ERBIN: variants seen among roughly 807,000 people sequenced by gnomAD.
ERBIN encodes densin-180-like protein.
Under a neutral mutation model 158.4 loss-of-function variants are expected in ERBIN, and 60 were observed. That is an observed-to-expected ratio of 0.38 (90% CI 0.31 to 0.47). ERBIN has a LOEUF of 0.47. Ranked by LOEUF, ERBIN falls within the 20% of genes least tolerant of loss-of-function variation. The pLI, the probability that ERBIN is intolerant of heterozygous loss-of-function variation, is 0.99. For missense variants in ERBIN, 1,610 were observed against 1,648.0 expected (o/e 0.98, Z 0.40); for synonymous variants, 594 against 557.2 (o/e 1.07, Z -0.93).
intron 4 of ERBIN, among the ~76,000 whole-genome samples, chr5:65,997,827 T>A (rs1449339017): frequency 6.6e-6 from 1 of 152,168 alleles, no homozygotes; most frequent in Non-Finnish European, 1.5e-5. Context: ...TTTTCCTAAA[T>A]TTTAGGACTT....
At chr5:66,063,120 T>A (rs1760605071) in intron 21 of ERBIN, among the ~76,000 whole-genome samples, 1 of 152,246 alleles carries the variant, frequency 6.6e-6, no homozygotes, top group Admixed American at 6.5e-5. Context: ...TTTGTTTGTC[T>A]GTGCCCTGCC....
At chr5:66,060,028 C>T (rs765997078) in intron 21 of ERBIN, among the ~76,000 whole-genome samples, 39 of 152,062 alleles carry the variant, frequency 2.6e-4, no homozygotes, top group Non-Finnish European at 2.9e-4. Flanking sequence ...GCCTGGCTTT[C>T]GTATCAGGAT....
intron 1 of ERBIN, among the ~76,000 whole-genome samples, chr5:65,975,792 T>G (rs774526522): frequency 9.9e-5 from 15 of 152,156 alleles, no homozygotes; most frequent in Non-Finnish European, 1.9e-4. Context: ...TAGAGAGAGA[T>G]GTGGTTTCAG....
chr5:65,986,306 C>CCATG (rs763706961), intron 1 of ERBIN, among the ~76,000 whole-genome samples: 4 of 152,222 alleles, frequency 2.6e-5, no homozygotes, highest in Non-Finnish European at 4.4e-5. Context: ...CTTGCTCCTA[C>CCATG]CATGGTCTTA....
intron 25 of ERBIN, among the ~76,000 whole-genome samples, chr5:66,077,781 CACACACACACACAT>C (rs1206011630): frequency 5.4e-5 from 7 of 129,932 alleles, no homozygotes; most frequent in East Asian, 3.9e-4. Context: ...CACACACACA[CACACACACACACAT>C]ACACACACAC....
intron 16 of ERBIN, 92 bp downstream of exon 16, chr5:66,043,290 A>T: frequency 7.7e-7 from 1 of 1,292,368 alleles, no homozygotes; most frequent in Non-Finnish European, 1.1e-6. Context: ...GGATATAACA[A>T]AGTATTGAAT....
chr5:66,076,270 A>T, intron 23 of ERBIN, 46 bp from the exon 24 acceptor site: 1 of 1,472,386 alleles, frequency 6.8e-7, no homozygotes, highest in Non-Finnish European at 9.4e-7. Flanking sequence ...TTGCATTATA[A>T]CTTTTTCTGA....
At chr5:66,026,010 C>T in intron 12 of ERBIN, 33 bp downstream of exon 12, 1 of 1,537,328 alleles carries the variant, frequency 6.5e-7, no homozygotes, top group East Asian at 2.4e-5. Context: ...AGATTTTTGT[C>T]TTTTCATTTT....
In ERBIN at chr5:66,078,650, T is replaced by G; in HGVS notation, c.*120T>G. 1 of 670,510 alleles carries G rather than the reference T, an allele frequency of 1.5e-6. No homozygotes were observed. Among genetic ancestry groups the G allele is most frequent in the Non-Finnish European group, 2.6e-6 (1 of 383,518 alleles). The allele number at this position is 670,510 out of a possible 1,614,324, so 41.5% of individuals were successfully genotyped here. The stretch of plus-strand genomic sequence containing the variant: ...AGAACTCAAAAAATTATGTTCAAAT[T>G]TGTACATTAATGAAATAATGGAACT... On this transcript the variant is annotated 3_prime_UTR_variant, in exon 26 of 26. Coordinates refer to ENST00000284037, the MANE Select transcript of ERBIN (RefSeq NM_001253697.2).
At chr5:66,016,920 T>TC (rs1754805185) in intron 7 of ERBIN, among the ~76,000 whole-genome samples, 1 of 152,042 alleles carries the variant, frequency 6.6e-6, no homozygotes, top group East Asian at 1.9e-4. Flanking sequence ...CGGCTTGGGA[T>TC]CTTTTTTTAG....
intron 1 of ERBIN, among the ~76,000 whole-genome samples, chr5:65,986,295 C>T (rs940392919): frequency 2.6e-5 from 4 of 152,188 alleles, no homozygotes; most frequent in Admixed American, 1.3e-4. Context: ...CTTCTCTCTG[C>T]CTTGCTCCTA....
At chr5:65,989,993 T>C (rs916494678) in intron 2 of ERBIN, among the ~76,000 whole-genome samples, 3 of 152,246 alleles carry the variant, frequency 2.0e-5, no homozygotes, top group Non-Finnish European at 4.4e-5. Flanking sequence ...TAAAATCTTA[T>C]TAGATGAACT....
intron 1 of ERBIN, among the ~76,000 whole-genome samples, chr5:65,934,196 C>T (rs955196206): frequency 3.3e-5 from 5 of 152,118 alleles, no homozygotes; most frequent in East Asian, 1.9e-4. Context: ...GCGCCCAGCC[C>T]GTCACCCCTA....
chr5:65,951,117 C>T (rs1746456913), intron 1 of ERBIN, among the ~76,000 whole-genome samples: 1 of 151,976 alleles, frequency 6.6e-6, no homozygotes, highest in Non-Finnish European at 1.5e-5. Flanking sequence ...CGGTGGAAGC[C>T]CTCAGTTTAA....
intron 1 of ERBIN, among the ~76,000 whole-genome samples, chr5:65,968,840 C>T (rs1441091476): frequency 6.6e-6 from 1 of 152,136 alleles, no homozygotes; most frequent in African/African-American, 2.4e-5. Flanking sequence ...GGATTACAGG[C>T]GTGAGCCACT....
chr5:66,032,978 G>A (rs967887888), intron 14 of ERBIN, among the ~76,000 whole-genome samples: 4 of 152,178 alleles, frequency 2.6e-5, no homozygotes, highest in Non-Finnish European at 5.9e-5. Context: ...AGTTAAACAT[G>A]TTGAGTTAGA....
intron 4 of ERBIN, among the ~76,000 whole-genome samples, chr5:66,008,254 C>A (rs369841589): frequency 3.3e-5 from 5 of 152,098 alleles, no homozygotes; most frequent in African/African-American, 1.2e-4. Flanking sequence ...ATATATAAAA[C>A]CCCTAATATA....
intron 1 of ERBIN, among the ~76,000 whole-genome samples, chr5:65,928,321 G>T (rs1363521552): frequency 6.6e-6 from 1 of 151,078 alleles, no homozygotes; most frequent in East Asian, 1.9e-4. Context: ...CTTTATCAAA[G>T]AATTTAAAGT....
At chr5:65,970,128 C>A (rs1443251987) in intron 1 of ERBIN, among the ~76,000 whole-genome samples, 1 of 14,296 alleles carries the variant, frequency 7.0e-5, no homozygotes, top group African/African-American at 1.1e-4. Context: ...ATGAAGACTA[C>A]ACTGTTAAAT....
Sources: gnomAD v4.1 joint callset for allele counts (sites outside exome capture counted in the v4.1 genomes callset) on GRCh38, gnomAD v4.1.1 for gene constraint, MANE v1.5 for transcripts, NCBI Gene and HGNC (gene_info 2026-07-23, HGNC 2026-07-21) for gene names.